ACOXL: variants seen among roughly 807,000 people sequenced by gnomAD.
ACOXL encodes acyl-CoA oxidase like, also known as acyl-coenzyme A oxidase-like protein.
A neutral mutation model predicts 71.9 loss-of-function variants in ACOXL; 70 were observed. The observed-to-expected ratio is 0.97, with a 90% CI of 0.80 to 1.19. The LOEUF (loss-of-function observed/expected upper bound fraction) is 1.19, where lower values mean the gene tolerates loss of function less well. Ranked by LOEUF, ACOXL falls within the 50% of genes most tolerant of loss-of-function variation. The probability of loss-of-function intolerance (pLI) is 0.00; values close to 1 mark genes in which losing one functional copy is unlikely to be tolerated. For synonymous variants in ACOXL, 253 were observed against 281.6 expected (o/e 0.90, Z 1.02); for missense variants, 703 against 736.3 (o/e 0.95, Z 0.52).
chr2:110,974,744 C>T (rs772875172), intron 12 of ACOXL, among the ~76,000 whole-genome samples: 1 of 152,144 alleles, frequency 6.6e-6, no homozygotes, highest in Non-Finnish European at 1.5e-5. Flanking sequence ...CTTGGAACTG[C>T]CCATGGCAAG....
At chr2:110,938,237 G>A (rs2060737294) in intron 12 of ACOXL, among the ~76,000 whole-genome samples, 2 of 152,234 alleles carry the variant, frequency 1.3e-5, no homozygotes, top group African/African-American at 4.8e-5. Context: ...AGTCTGTGGT[G>A]CACTGAGGGA....
At chr2:111,109,519 A>G (rs923311139) in intron 17 of ACOXL, among the ~76,000 whole-genome samples, 3 of 152,042 alleles carry the variant, frequency 2.0e-5, no homozygotes, top group African/African-American at 7.2e-5. Flanking sequence ...TTGTTCCGCA[A>G]TACTCACTCT....
Position 111,088,149 on chromosome 2 carries a change from C to T in ACOXL, c.1441-4716C>T, listed in dbSNP as rs1036013898. ...TTAAAAAGTCAAAAAATAACAGATG[C>T]TGGCAAGGTTGCAGAGAAAAAGGGA... On this transcript the variant is annotated intron_variant, in intron 16 of 17. Coordinates refer to ENST00000439055, the MANE Select transcript of ACOXL (RefSeq NM_001142807.4). Among the ~76,000 whole-genome samples, 119 of 152,200 alleles carry T rather than the reference C, an allele frequency of 7.8e-4. 1 individual carries two copies. Among genetic ancestry groups the T allele is most frequent in the African/African-American group, 2.8e-3 (115 of 41,450 alleles).
intron 12 of ACOXL, among the ~76,000 whole-genome samples, chr2:110,952,592 G>T (rs1302037637): frequency 6.6e-6 from 1 of 152,050 alleles, no homozygotes; most frequent in African/African-American, 2.4e-5. Flanking sequence ...TATTACAGGT[G>T]TGTGCTATCA....
intron 12 of ACOXL, among the ~76,000 whole-genome samples, chr2:110,963,155 A>T (rs1042865756): frequency 1.3e-5 from 2 of 152,190 alleles, no homozygotes; most frequent in East Asian, 3.8e-4. Context: ...ATTAAGATGC[A>T]GAGTGGCAAT....
intron 14 of ACOXL, among the ~76,000 whole-genome samples, chr2:110,996,978 G>A (rs2063424306): frequency 6.6e-6 from 1 of 152,028 alleles, no homozygotes; most frequent in African/African-American, 2.4e-5. Flanking sequence ...GCGTAGATCT[G>A]AGGTGAGGCT....
At chr2:111,091,171 C>T (rs1005941369) in intron 16 of ACOXL, among the ~76,000 whole-genome samples, 7 of 152,168 alleles carry the variant, frequency 4.6e-5, no homozygotes, top group Non-Finnish European at 1.0e-4. Context: ...CCAGCAGCCA[C>T]TCCCTGCCCT....
At chr2:110,788,574 A>G (rs1484708439) in intron 3 of ACOXL, among the ~76,000 whole-genome samples, 1 of 152,240 alleles carries the variant, frequency 6.6e-6, no homozygotes, top group Non-Finnish European at 1.5e-5. Flanking sequence ...GTTGTACAAC[A>G]TTATGACTGT....
chr2:110,777,965 T>C (rs1004497506), intron 2 of ACOXL, among the ~76,000 whole-genome samples: 1 of 152,196 alleles, frequency 6.6e-6, no homozygotes, highest in African/African-American at 2.4e-5. Flanking sequence ...GTCTTGGGCA[T>C]GTGAGCCGAG....
At chr2:111,107,853 T>C (rs1015882831) in intron 17 of ACOXL, among the ~76,000 whole-genome samples, 41 of 152,354 alleles carry the variant, frequency 2.7e-4, no homozygotes, top group African/African-American at 8.9e-4. Context: ...CTGAGTTCGT[T>C]TGGGCCCAGA....
intron 2 of ACOXL, among the ~76,000 whole-genome samples, chr2:110,776,307 A>G (rs1487710415): frequency 1.3e-5 from 2 of 151,478 alleles, no homozygotes; most frequent in African/African-American, 4.9e-5. Flanking sequence ...GTAGATTTTC[A>G]GTTTGGGAAG....
At chr2:110,877,965 T>A (rs1035125815) in intron 10 of ACOXL, among the ~76,000 whole-genome samples, 6 of 152,260 alleles carry the variant, frequency 3.9e-5, no homozygotes, top group Admixed American at 1.3e-4. Context: ...GCACAGGCAC[T>A]GGAAGGTTGG....
intron 12 of ACOXL, among the ~76,000 whole-genome samples, chr2:110,983,028 C>T (rs1294759472): frequency 1.3e-5 from 2 of 152,218 alleles, no homozygotes; most frequent in African/African-American, 2.4e-5. Flanking sequence ...GGCCCAGTGC[C>T]GTAAGTACTG....
chr2:110,880,982 C>T (rs927597556), intron 10 of ACOXL, among the ~76,000 whole-genome samples: 6 of 152,156 alleles, frequency 3.9e-5, no homozygotes, highest in African/African-American at 1.4e-4. Context: ...TGGGACTACA[C>T]AAATATCTCC....
chr2:110,845,238 G>A (rs13424652), intron 10 of ACOXL, among the ~76,000 whole-genome samples: 1,644 of 152,308 alleles, frequency 0.011, 26 homozygotes, highest in African/African-American at 0.038. Flanking sequence ...CATGGGCAGG[G>A]AGGAGTGCTG....
intron 1 of ACOXL, among the ~76,000 whole-genome samples, chr2:110,757,850 A>G (rs575181721): frequency 1.3e-4 from 20 of 150,938 alleles, no homozygotes; most frequent in African/African-American, 4.9e-4. Flanking sequence ...TAGGTTGTTC[A>G]CTCTGATGAT....
intron 1 of ACOXL, among the ~76,000 whole-genome samples, chr2:110,750,501 G>C (rs1271717317): frequency 6.6e-6 from 1 of 151,340 alleles, no homozygotes; most frequent in Non-Finnish European, 1.5e-5. Context: ...TGTGCACAAA[G>C]TTCTTACTTA....
intron 2 of ACOXL, among the ~76,000 whole-genome samples, chr2:110,770,812 A>G (rs1454241815): frequency 1.3e-5 from 2 of 152,254 alleles, no homozygotes; most frequent in Non-Finnish European, 2.9e-5. Context: ...TAATCAGCCC[A>G]ACATGTCTGT....
rs77566856 is a variant in ACOXL, at chr2:111,052,937, C to T, written c.1440+3649C>T. On this transcript the variant is annotated intron_variant, in intron 16 of 17. Coordinates refer to ENST00000439055, the MANE Select transcript of ACOXL (RefSeq NM_001142807.4). ...TGGAAGTTTCCATGTGTCTGTTCAT[C>T]CTCTGCAGCCTCTTTCAGGGTCCTC... Among the ~76,000 whole-genome samples, 1,195 of 152,278 alleles carry T rather than the reference C, an allele frequency of 7.8e-3. 20 individuals are homozygous for T. Among genetic ancestry groups the T allele is most frequent in the African/African-American group, 0.027 (1,132 of 41,532 alleles).
Sources: gnomAD v4.1 joint callset for allele counts (sites outside exome capture counted in the v4.1 genomes callset) on GRCh38, gnomAD v4.1.1 for gene constraint, MANE v1.5 for transcripts, NCBI Gene and HGNC (gene_info 2026-07-23, HGNC 2026-07-21) for gene names.